Variants in RUNX2 observed in about 807,000 individuals in gnomAD.
The protein encoded by RUNX2 is RUNX family transcription factor 2, also known as runt-related transcription factor 2.
RUNX2 carries 10 observed loss-of-function variants against 51.7 expected under a neutral mutation model. The ratio of observed to expected loss-of-function variants is 0.19; its 90% confidence interval spans 0.12 to 0.33. The LOEUF is 0.33. Ranked by LOEUF, RUNX2 falls within the 10% of genes least tolerant of loss-of-function variation. The probability of loss-of-function intolerance (pLI) is 1.00; values close to 1 mark genes in which losing one functional copy is unlikely to be tolerated. For synonymous variants in RUNX2, 276 were observed against 273.6 expected (o/e 1.01, Z -0.09); for missense variants, 562 against 691.3 (o/e 0.81, Z 2.10).
At chr6:45,369,001 T>C (rs941456582) in intron 2 of RUNX2, among the ~76,000 whole-genome samples, 7 of 151,892 alleles carry the variant, frequency 4.6e-5, no homozygotes, top group Non-Finnish European at 1.0e-4. Context: ...TCACTGAGAA[T>C]GAAAAAAATT....
chr6:45,356,715 T>C (rs2150224561), intron 2 of RUNX2, among the ~76,000 whole-genome samples: 1 of 152,202 alleles, frequency 6.6e-6, no homozygotes, highest in African/African-American at 2.4e-5. Flanking sequence ...CAATTCTCAT[T>C]TCTTTGGCTG....
chr6:45,513,228 G>T (rs1801214069), intron 7 of RUNX2, among the ~76,000 whole-genome samples: 1 of 144,702 alleles, frequency 6.9e-6, no homozygotes, highest in South Asian at 2.2e-4. Flanking sequence ...AATAAGAAAA[G>T]AAACCTCTTG....
chr6:45,464,205 AAT>A (rs1799561979), intron 5 of RUNX2, among the ~76,000 whole-genome samples: 1 of 151,958 alleles, frequency 6.6e-6, no homozygotes, highest in Non-Finnish European at 1.5e-5. Flanking sequence ...AAAAAAAAAA[AAT>A]GTTTACAACA....
At chr6:45,398,005 A>G (rs1420805191) in intron 2 of RUNX2, among the ~76,000 whole-genome samples, 1 of 152,192 alleles carries the variant, frequency 6.6e-6, no homozygotes, top group African/African-American at 2.4e-5. Flanking sequence ...ATTTACACTC[A>G]GTTTTGGATA....
intron 2 of RUNX2, among the ~76,000 whole-genome samples, chr6:45,365,659 C>A (rs967777001): frequency 1.4e-5 from 2 of 147,328 alleles, no homozygotes; most frequent in Admixed American, 1.4e-4. Flanking sequence ...TGCTTCAGGG[C>A]ATTCTAGATG....
At chr6:45,358,118 G>A (rs772131941) in intron 2 of RUNX2, among the ~76,000 whole-genome samples, 2 of 152,036 alleles carry the variant, frequency 1.3e-5, no homozygotes, top group African/African-American at 2.4e-5. Context: ...ATCAATGACC[G>A]TGTTAAAATC....
chr6:45,469,327 A>G (rs1252067174), intron 5 of RUNX2, among the ~76,000 whole-genome samples: 1 of 152,252 alleles, frequency 6.6e-6, no homozygotes, highest in Admixed American at 6.5e-5. Context: ...TAATTTTAAA[A>G]GAATATTTGT....
At chr6:45,415,747 C>T (rs72862956) in intron 2 of RUNX2, among the ~76,000 whole-genome samples, 23 of 152,148 alleles carry the variant, frequency 1.5e-4, no homozygotes, top group Non-Finnish European at 2.6e-4. Flanking sequence ...GTCTTTCTAA[C>T]GTCCCCACCG....
chr6:45,368,261 C>A (rs1795486538), intron 2 of RUNX2, among the ~76,000 whole-genome samples: 1 of 151,898 alleles, frequency 6.6e-6, no homozygotes, highest in African/African-American at 2.4e-5. Flanking sequence ...AAATGTGAAC[C>A]CAAGGAATAA....
At chr6:45,524,682 A>G (rs765394006) in intron 7 of RUNX2, among the ~76,000 whole-genome samples, 2 of 152,266 alleles carry the variant, frequency 1.3e-5, no homozygotes, top group Non-Finnish European at 2.9e-5. Context: ...AATAAAAACT[A>G]CAAAGGAAAT....
chr6:45,481,090 T>C (rs2150399802), intron 5 of RUNX2, among the ~76,000 whole-genome samples: 1 of 152,366 alleles, frequency 6.6e-6, no homozygotes, highest in Admixed American at 6.5e-5. Context: ...ACACTCTGTC[T>C]CTCTGTTTCT....
In RUNX2 at chr6:45,506,999, A is replaced by G. The variant is rs141233541; in HGVS notation, c.860-5247A>G. On this transcript the variant is annotated intron_variant, in intron 6 of 8. Transcript: ENST00000647337. ...TTTTTTTTTGGAAACTTTCTGTGACATAGCATTGATTTAGCCCCCGAAAAC... is the reference window on the plus strand; with the variant it reads ...TTTTTTTTTGGAAACTTTCTGTGACGTAGCATTGATTTAGCCCCCGAAAAC... Among the ~76,000 whole-genome samples, 711 of 150,934 alleles carry G rather than the reference A, an allele frequency of 4.7e-3. 5 individuals carry two copies. Among genetic ancestry groups the G allele is most frequent in the African/African-American group, 0.016 (669 of 41,000 alleles).
chr6:45,378,451 G>A lies in RUNX2; in HGVS notation c.59-44142G>A, dbSNP rs568773402. ...GGAGGGGTCTGAACGCTCCCCGCAGGGCCGCAGTACAGGCGTGTGGATGTG... is the reference window on the plus strand; with the variant it reads ...GGAGGGGTCTGAACGCTCCCCGCAGAGCCGCAGTACAGGCGTGTGGATGTG... On this transcript the variant is annotated intron_variant, in intron 2 of 8. Transcript: ENST00000647337. 1.3e-3 allele frequency among the ~76,000 whole-genome samples: 200 copies of A among 152,278 alleles called. 2 individuals carry two copies. Among genetic ancestry groups the A allele is most frequent in the Non-Finnish European group, 2.4e-3 (165 of 68,008 alleles).
In RUNX2 at chr6:45,548,615, G is replaced by A. The variant is rs1802474445; in HGVS notation, c.*1310G>A. 1.3e-5 allele frequency: 2 copies of A among 152,700 alleles called. No homozygotes were observed. The highest frequency in any genetic ancestry group is 1.3e-4 in the Admixed American group (2 of 15,280). 9.5% of individuals were successfully genotyped at this position (152,700 alleles called of 1,614,324 possible). On this transcript the variant is annotated 3_prime_UTR_variant, in exon 9 of 9. Coordinates refer to ENST00000647337, the MANE Select transcript of RUNX2 (RefSeq NM_001024630.4). ...GACTCTTGTCATATTAAAAAGACAA[G>A]CACAAGTAAATCATTGAACTACAGA...
chr6:45,403,972 G>A (rs1394716023), intron 2 of RUNX2, among the ~76,000 whole-genome samples: 3 of 151,846 alleles, frequency 2.0e-5, no homozygotes, highest in Non-Finnish European at 2.9e-5. Context: ...AAAAGATGAG[G>A]GAGTAGGCCG....
At chr6:45,483,178 A>C (rs974301095) in intron 5 of RUNX2, among the ~76,000 whole-genome samples, 1 of 152,208 alleles carries the variant, frequency 6.6e-6, no homozygotes, top group Admixed American at 6.5e-5. Flanking sequence ...AAAGGGCTAG[A>C]GGCCTTAAAC....
chr6:45,532,162 ATTTTTTTTTTTTTTTTT>A (rs3055521), intron 7 of RUNX2, among the ~76,000 whole-genome samples: 2 of 85,120 alleles, frequency 2.3e-5, no homozygotes, highest in Non-Finnish European at 4.4e-5. Context: ...GAAAACCTAG[ATTTTTTTTTTTTTTTTT>A]TTTTTTTTGC....
rs988460720 is a variant in RUNX2, at chr6:45,542,404, G to A, written c.1022-2813G>A. 4.6e-5 allele frequency among the ~76,000 whole-genome samples: 7 copies of A among 152,184 alleles called. No homozygotes were observed. In the East Asian group the frequency reaches 1.3e-3, roughly 29 times the overall value. ...TACTATTTTAATGAGCAAAGTTCTTGCAGCTCTTTTTATGACAGCTACATT... is the reference window on the plus strand; with the variant it reads ...TACTATTTTAATGAGCAAAGTTCTTACAGCTCTTTTTATGACAGCTACATT... On this transcript the variant is annotated intron_variant, in intron 7 of 8. Coordinates refer to ENST00000647337, the MANE Select transcript of RUNX2 (RefSeq NM_001024630.4).
At chr6:45,333,988 A>T (rs1788040801) in intron 2 of RUNX2, among the ~76,000 whole-genome samples, 1 of 151,376 alleles carries the variant, frequency 6.6e-6, no homozygotes, top group South Asian at 2.1e-4. Flanking sequence ...TGTTTGAGAT[A>T]TTTAAAAATT....
Sources: allele counts gnomAD v4.1 joint callset (sites outside exome capture counted in the v4.1 genomes callset), GRCh38; gene constraint gnomAD v4.1.1; transcripts MANE v1.5; gene names NCBI Gene and HGNC (gene_info 2026-07-23, HGNC 2026-07-21).